Variants in DPP6 observed in about 807,000 individuals in gnomAD.
The protein encoded by DPP6 is A-type potassium channel modulatory protein DPP6.
A neutral mutation model predicts 122.6 loss-of-function variants in DPP6; 69 were observed. The observed-to-expected ratio is 0.56, with a 90% CI of 0.46 to 0.69. The LOEUF (loss-of-function observed/expected upper bound fraction) is 0.69. Ranked by LOEUF, DPP6 falls within the 30% of genes least tolerant of loss-of-function variation. DPP6 has a pLI of 0.00. For synonymous variants in DPP6, 418 were observed against 433.1 expected, an observed-to-expected ratio of 0.97 and a Z score of 0.43; for missense variants, 928 against 1,116.9, an observed-to-expected ratio of 0.83 and a Z score of 2.41.
chr7:154,850,880 A>G (rs1282608497), intron 16 of DPP6, among the ~76,000 whole-genome samples: 1 of 152,198 alleles, frequency 6.6e-6, no homozygotes, highest in Admixed American at 6.5e-5. Context: ...AGCCTTTCAA[A>G]AAACAAACTT....
intron 1 of DPP6, among the ~76,000 whole-genome samples, chr7:154,125,948 C>T (rs999915851): frequency 6.6e-6 from 1 of 152,098 alleles, no homozygotes; most frequent in Non-Finnish European, 1.5e-5. Flanking sequence ...TCCAGGAATT[C>T]GGTAAAAATT....
chr7:153,866,819 T>G, the DPP6 span, among the ~76,000 whole-genome samples: 2 of 152,190 alleles, frequency 1.3e-5, no homozygotes, highest in South Asian at 4.1e-4. Context: ...CTTGAATTAA[T>G]TTTTGTATAA....
intron 5 of DPP6, among the ~76,000 whole-genome samples, chr7:154,627,616 G>A (rs959150040): frequency 1.1e-4 from 16 of 152,168 alleles, no homozygotes; most frequent in African/African-American, 3.4e-4. Context: ...GGGTGACTAC[G>A]ACCTGCTTGA....
At chr7:154,557,200 T>C (rs920055508) in intron 4 of DPP6, among the ~76,000 whole-genome samples, 5 of 152,096 alleles carry the variant, frequency 3.3e-5, no homozygotes, top group Non-Finnish European at 5.9e-5. Flanking sequence ...CCTGGCATGG[T>C]CACAAGCAGC....
intron 1 of DPP6, among the ~76,000 whole-genome samples, chr7:154,197,262 AGT>A (rs1366871417): frequency 6.6e-6 from 1 of 151,822 alleles, no homozygotes; most frequent in African/African-American, 2.4e-5. Flanking sequence ...AAATACAGAG[AGT>A]GATGATTTAT....
chr7:154,699,583 G>C (rs1170131490), intron 7 of DPP6, among the ~76,000 whole-genome samples: 1 of 152,202 alleles, frequency 6.6e-6, no homozygotes, highest in African/African-American at 2.4e-5. Flanking sequence ...CCAGTGCAGG[G>C]GCTCTGAGTC....
In DPP6 at chr7:154,337,051, T is replaced by C. The variant is rs1237522904; in HGVS notation, c.244-109163T>C. Among the ~76,000 whole-genome samples the C allele has an allele frequency of 4.6e-5, 7 of 152,194 alleles. No individual in the cohort carries two copies. In the East Asian group the frequency reaches 1.3e-3, roughly 29 times the overall value. On this transcript the variant is annotated intron_variant, in intron 1 of 25. Coordinates refer to ENST00000377770, the MANE Select transcript of DPP6 (RefSeq NM_130797.4). ...GTAGAAAAGGAGAAGCATTTAAACATCAGTGCCTCAAATCTCCTTTCCAAA... is the reference window on the plus strand; with the variant it reads ...GTAGAAAAGGAGAAGCATTTAAACACCAGTGCCTCAAATCTCCTTTCCAAA...
chr7:154,776,196 A>AGAC (rs1162518949), intron 10 of DPP6, among the ~76,000 whole-genome samples: 11 of 100,298 alleles, frequency 1.1e-4, no homozygotes, highest in African/African-American at 3.6e-4. Context: ...CCCCCATGAT[A>AGAC]GATGATAGAT....
chr7:153,946,919 A>G (rs917104554), intron 1 of DPP6, among the ~76,000 whole-genome samples: 1 of 152,072 alleles, frequency 6.6e-6, no homozygotes, highest in Admixed American at 6.6e-5. Flanking sequence ...TTCCCGACAT[A>G]AAATGCGAAT....
At chr7:153,925,837 T>A (rs1210997741) in intron 1 of DPP6, among the ~76,000 whole-genome samples, 1 of 152,226 alleles carries the variant, frequency 6.6e-6, no homozygotes, top group Non-Finnish European at 1.5e-5. Context: ...AAGTGCCCAC[T>A]CACCAGGGGT....
At chr7:154,766,458 G>T (rs546320432) in intron 8 of DPP6, among the ~76,000 whole-genome samples, 7 of 152,242 alleles carry the variant, frequency 4.6e-5, no homozygotes, top group Admixed American at 3.3e-4. Context: ...GGGATTACAG[G>T]TGTGCGCCCA....
At chr7:154,276,449 G>T (rs1240186264) in intron 1 of DPP6, among the ~76,000 whole-genome samples, 1 of 152,218 alleles carries the variant, frequency 6.6e-6, no homozygotes, top group Non-Finnish European at 1.5e-5. Flanking sequence ...AAATGGCATT[G>T]ATAAGGTCAA....
rs527316742 is a variant in DPP6 at position 154,480,852 on chromosome 7, G to C, written c.457+5815G>C. Among the ~76,000 whole-genome samples, 6 of 152,212 alleles carry C rather than the reference G, an allele frequency of 3.9e-5. No homozygotes were observed. The East Asian group carries it at 9.7e-4, about 25-fold the overall frequency. ...CCTATCCACAACCTTTCTGATGTCA[G>C]TTGATGGAAAAATTTGTAGAACAAG... On this transcript the variant is annotated intron_variant, in intron 3 of 25. Transcript: ENST00000377770.
At chr7:153,930,577 G>A (rs1198951517) in intron 1 of DPP6, among the ~76,000 whole-genome samples, 1 of 152,132 alleles carries the variant, frequency 6.6e-6, no homozygotes, top group Non-Finnish European at 1.5e-5. Flanking sequence ...TGCACACCAT[G>A]GCAACTACAG....
At chr7:154,433,876 A>G (rs557580318) in intron 1 of DPP6, among the ~76,000 whole-genome samples, 7 of 152,302 alleles carry the variant, frequency 4.6e-5, no homozygotes, top group African/African-American at 1.7e-4. Flanking sequence ...CTTTAGGCCT[A>G]CACGTTCTTT....
intron 1 of DPP6, among the ~76,000 whole-genome samples, chr7:154,127,597 T>TCTCACACACA (rs1438098845): frequency 2.7e-4 from 37 of 136,800 alleles, no homozygotes; most frequent in African/African-American, 1.0e-3. Flanking sequence ...GAGCAGCATC[T>TCTCACACACA]CACACACACA....
At chr7:154,196,806 T>C (rs1391567816) in intron 1 of DPP6, among the ~76,000 whole-genome samples, 1 of 152,150 alleles carries the variant, frequency 6.6e-6, no homozygotes, top group African/African-American at 2.4e-5. Context: ...GCTGGCTTTA[T>C]ACATCCTCTA....
chr7:154,612,158 C>T (rs1334104702), intron 5 of DPP6, among the ~76,000 whole-genome samples: 1 of 152,172 alleles, frequency 6.6e-6, no homozygotes, highest in Non-Finnish European at 1.5e-5. Context: ...GCTTTCCAGC[C>T]TCCAGACCTG....
At chr7:154,124,503 C>T (rs547637608) in intron 1 of DPP6, among the ~76,000 whole-genome samples, 3 of 152,238 alleles carry the variant, frequency 2.0e-5, no homozygotes, top group African/African-American at 4.8e-5. Flanking sequence ...CAGATGGGAA[C>T]GTGGACAGGG....
Sources: gnomAD v4.1 joint callset for allele counts (sites outside exome capture counted in the v4.1 genomes callset) on GRCh38, gnomAD v4.1.1 for gene constraint, MANE v1.5 for transcripts, NCBI Gene and HGNC (gene_info 2026-07-23, HGNC 2026-07-21) for gene names.